SLCO5A1: variants seen among roughly 807,000 people sequenced by gnomAD.
The protein encoded by SLCO5A1 is solute carrier organic anion transporter family member 5A1, also known as organic anion transporter polypeptide-related protein 4.
A neutral mutation model predicts 65.1 loss-of-function variants in SLCO5A1; 39 were observed. The ratio of observed to expected loss-of-function variants is 0.60; its 90% confidence interval spans 0.46 to 0.78. The LOEUF (loss-of-function observed/expected upper bound fraction) is 0.78. Ranked by LOEUF, SLCO5A1 falls within the 30% of genes least tolerant of loss-of-function variation. SLCO5A1 has a pLI of 0.00. For synonymous variants in SLCO5A1, 438 were observed against 415.7 expected (o/e 1.05, Z -0.65); for missense variants, 1,029 against 1,069.4 (o/e 0.96, Z 0.53).
At chr8:69,691,780 G>A (rs1814270302) in intron 6 of SLCO5A1, among the ~76,000 whole-genome samples, 1 of 152,142 alleles carries the variant, frequency 6.6e-6, no homozygotes, top group South Asian at 2.1e-4. Context: ...AAATGTCATA[G>A]AATGCACTTA....
At chr8:69,760,586 AC>A (rs1817727098) in intron 3 of SLCO5A1, among the ~76,000 whole-genome samples, 1 of 152,228 alleles carries the variant, frequency 6.6e-6, no homozygotes, top group Non-Finnish European at 1.5e-5. Flanking sequence ...GTGAGTAATT[AC>A]TTGGCACATA....
chr8:69,680,046 A>T (rs1813701031), intron 7 of SLCO5A1, among the ~76,000 whole-genome samples: 1 of 152,234 alleles, frequency 6.6e-6, no homozygotes, highest in South Asian at 2.1e-4. Context: ...TAAAGTAAAC[A>T]TCTATTAAAT....
At chr8:69,806,541 C>T (rs1819997877) in intron 2 of SLCO5A1, among the ~76,000 whole-genome samples, 1 of 152,050 alleles carries the variant, frequency 6.6e-6, no homozygotes, top group Admixed American at 6.6e-5. Flanking sequence ...AGTTATTATG[C>T]CTAAATTAAC....
At chr8:69,744,882 T>A (rs1023128100) in intron 4 of SLCO5A1, among the ~76,000 whole-genome samples, 3 of 152,116 alleles carry the variant, frequency 2.0e-5, no homozygotes, top group Non-Finnish European at 2.9e-5. Flanking sequence ...AATAGAAAAT[T>A]ATGCTCCTTT....
rs563664170 is a variant in SLCO5A1 at position 69,696,056 on chromosome 8, G to A, written c.1622+8975C>T. Among the ~76,000 whole-genome samples the A allele has an allele frequency of 7.9e-4, 121 of 152,306 alleles. 1 individual carries two copies. Among genetic ancestry groups the A allele is most frequent in the Non-Finnish European group, 1.4e-3 (92 of 68,028 alleles). The stretch of plus-strand genomic sequence containing the variant: ...AGATTGGAACTCATACATTTGTAAT[G>A]GAGCCAATCAGCACATTATGTAATT... On this transcript the variant is annotated intron_variant, in intron 6 of 9. Transcript: ENST00000260126.
intron 2 of SLCO5A1, among the ~76,000 whole-genome samples, chr8:69,810,829 C>T (rs943501584): frequency 2.0e-5 from 3 of 152,158 alleles, no homozygotes; most frequent in South Asian, 4.1e-4. Context: ...GGTCACATTT[C>T]TGGAAGACAC....
chr8:69,704,383 A>G (rs1814878826), intron 6 of SLCO5A1, among the ~76,000 whole-genome samples: 1 of 152,244 alleles, frequency 6.6e-6, no homozygotes. Context: ...CCTGCAATAC[A>G]GTCATGGTAA....
chr8:69,805,471 C>T (rs1819953628), intron 2 of SLCO5A1, among the ~76,000 whole-genome samples: 1 of 152,062 alleles, frequency 6.6e-6, no homozygotes, highest in Admixed American at 6.5e-5. Flanking sequence ...AATTTGAAAC[C>T]ACTCAATTAC....
At chr8:69,799,014 A>G (rs1819620208) in intron 2 of SLCO5A1, among the ~76,000 whole-genome samples, 1 of 152,236 alleles carries the variant, frequency 6.6e-6, no homozygotes, top group Non-Finnish European at 1.5e-5. Flanking sequence ...GAGAGTCTAC[A>G]TTCAGAACAT....
intron 5 of SLCO5A1, among the ~76,000 whole-genome samples, chr8:69,717,122 A>T (rs1164055625): frequency 6.6e-6 from 1 of 152,138 alleles, no homozygotes; most frequent in African/African-American, 2.4e-5. Flanking sequence ...CAATAGTTTT[A>T]CATTTTGACG....
rs568400014 is a variant in SLCO5A1, at chr8:69,768,187, A to G, written c.908-6312T>C. 9.2e-5 allele frequency among the ~76,000 whole-genome samples: 14 copies of G among 152,270 alleles called. No individual in the cohort carries two copies. In the East Asian group the frequency reaches 2.7e-3, roughly 29 times the overall value. ...GGTCAAGGCTGCATGAGTCATGATC[A>G]TGCCACTGCACTCCAGCCTGTGCAA... On this transcript the variant is annotated intron_variant, in intron 2 of 9. Coordinates refer to ENST00000260126, the MANE Select transcript of SLCO5A1 (RefSeq NM_030958.3).
At chr8:69,694,441 T>C (rs140546838) in intron 6 of SLCO5A1, among the ~76,000 whole-genome samples, 2 of 152,352 alleles carry the variant, frequency 1.3e-5, no homozygotes, top group African/African-American at 4.8e-5. Flanking sequence ...CATCTTTCTC[T>C]TTATTGACTT....
chr8:69,820,300 G>A (rs1820579126), intron 2 of SLCO5A1, among the ~76,000 whole-genome samples: 1 of 152,154 alleles, frequency 6.6e-6, no homozygotes, highest in African/African-American at 2.4e-5. Context: ...AGAGCCCAGG[G>A]ACCTGGCAGC....
intron 2 of SLCO5A1, among the ~76,000 whole-genome samples, chr8:69,772,663 T>A (rs1244496479): frequency 8.2e-6 from 1 of 122,512 alleles, no homozygotes; most frequent in Admixed American, 8.1e-5. Context: ...GGAAAAGAAA[T>A]GATTCTGGAG....
chr8:69,793,562 T>G (rs1819361080), intron 2 of SLCO5A1, among the ~76,000 whole-genome samples: 1 of 151,988 alleles, frequency 6.6e-6, no homozygotes, highest in African/African-American at 2.4e-5. Flanking sequence ...CCTATCCTCT[T>G]GAGGTCAGGA....
intron 2 of SLCO5A1, among the ~76,000 whole-genome samples, chr8:69,820,043 G>A (rs1820570607): frequency 6.6e-6 from 1 of 152,236 alleles, no homozygotes; most frequent in African/African-American, 2.4e-5. Context: ...TGGTCGATAT[G>A]ACGGGAGTCA....
intron 2 of SLCO5A1, among the ~76,000 whole-genome samples, chr8:69,818,903 G>C (rs950655169): frequency 6.6e-6 from 1 of 152,128 alleles, no homozygotes; most frequent in African/African-American, 2.4e-5. Context: ...AATGTGATCT[G>C]TGTGTCCTGG....
At chr8:69,674,435 T>C (rs187763299) in intron 9 of SLCO5A1, among the ~76,000 whole-genome samples, 2 of 152,338 alleles carry the variant, frequency 1.3e-5, no homozygotes, top group East Asian at 3.9e-4. Flanking sequence ...AAGTTGTTTT[T>C]ATTTAAAATA....
In SLCO5A1 at chr8:69,725,677, C is replaced by T. The variant is rs1586729944; in HGVS notation, c.1423+12363G>A. On this transcript the variant is annotated intron_variant, in intron 5 of 9. Transcript: ENST00000260126. Reference sequence around the variant, plus strand: ...AGTGAAACATTGTCTAATTCAAATCCTCATTGTAGAGATGCAAACCCTAAG... The same window carrying T: ...AGTGAAACATTGTCTAATTCAAATCTTCATTGTAGAGATGCAAACCCTAAG... 3.9e-5 allele frequency among the ~76,000 whole-genome samples: 6 copies of T among 152,024 alleles called. No homozygotes were observed. In the East Asian group the frequency reaches 1.2e-3, roughly 29 times the overall value.
Sources: allele counts gnomAD v4.1 joint callset (sites outside exome capture counted in the v4.1 genomes callset), GRCh38; gene constraint gnomAD v4.1.1; transcripts MANE v1.5; gene names NCBI Gene and HGNC (gene_info 2026-07-23, HGNC 2026-07-21).